ARB2A: variants seen among roughly 807,000 people sequenced by gnomAD.
The protein encoded by ARB2A is cotranscriptional regulator ARB2A.
At chr5:93,810,012 A>ATG in the ARB2A span, among the ~76,000 whole-genome samples, 4 of 152,078 alleles carry the variant, frequency 2.6e-5, no homozygotes, top group African/African-American at 9.7e-5. Context: ...CAATTGTACA[A>ATG]TGTGTGCTTC....
chr5:93,820,935 A>G, the ARB2A span, among the ~76,000 whole-genome samples: 1 of 152,080 alleles, frequency 6.6e-6, no homozygotes, highest in Admixed American at 6.5e-5. Context: ...TTCTTATTAT[A>G]GTAAAATGTA....
chr5:93,750,707 T>A, the ARB2A span, among the ~76,000 whole-genome samples: 3 of 152,096 alleles, frequency 2.0e-5, no homozygotes, highest in African/African-American at 7.2e-5. Flanking sequence ...TTTTATTTTT[T>A]TGTAGAGACG....
the ARB2A span, among the ~76,000 whole-genome samples, chr5:93,963,873 G>A: frequency 6.6e-6 from 1 of 151,638 alleles, no homozygotes; most frequent in Non-Finnish European, 1.5e-5. Flanking sequence ...TTTTTGTTTC[G>A]TTTTGTTTTT....
At chr5:93,824,322 C>T in the ARB2A span, 1 of 1,289,582 alleles carries the variant, frequency 7.8e-7, no homozygotes, top group Middle Eastern at 2.0e-4. Flanking sequence ...ATTATCATAG[C>T]AAACAACAAT....
At chr5:94,062,776 C>T in the ARB2A span, among the ~76,000 whole-genome samples, 2 of 152,190 alleles carry the variant, frequency 1.3e-5, no homozygotes, top group African/African-American at 4.8e-5. Flanking sequence ...CCCACATCTC[C>T]ACATCACTGG....
At chr5:93,843,531 C>T in the ARB2A span, among the ~76,000 whole-genome samples, 1 of 151,306 alleles carries the variant, frequency 6.6e-6, no homozygotes, top group Non-Finnish European at 1.5e-5. Flanking sequence ...TCAAGTGATC[C>T]TCCAGCCTTA....
At chr5:93,723,389 G>A in the ARB2A span, among the ~76,000 whole-genome samples, 1 of 152,088 alleles carries the variant, frequency 6.6e-6, no homozygotes, top group African/African-American at 2.4e-5. Flanking sequence ...TGTAGAGAAA[G>A]GTTATCTCTA....
chr5:93,786,846 G>C, the ARB2A span, among the ~76,000 whole-genome samples: 1 of 152,144 alleles, frequency 6.6e-6, no homozygotes, highest in African/African-American at 2.4e-5. Flanking sequence ...ACAGAATCAG[G>C]TTTGCTTAAG....
chr5:93,775,879 C>T, the ARB2A span, among the ~76,000 whole-genome samples: 1 of 152,146 alleles, frequency 6.6e-6, no homozygotes, highest in Non-Finnish European at 1.5e-5. Flanking sequence ...TTTAGGTATT[C>T]ATATATGTAT....
At chr5:94,081,976 T>C in the ARB2A span, among the ~76,000 whole-genome samples, 9 of 152,318 alleles carry the variant, frequency 5.9e-5, no homozygotes, top group South Asian at 1.9e-3. Context: ...TTCTCTCTTG[T>C]AATGTCCTAA....
the ARB2A span, among the ~76,000 whole-genome samples, chr5:94,032,974 C>A: frequency 7.0e-3 from 1,062 of 152,158 alleles, 12 homozygotes; most frequent in African/African-American, 0.025. Flanking sequence ...GGGGGTGGTT[C>A]CCTCCATGCT....
At chr5:93,740,741 G>A in the ARB2A span, 9 of 1,612,500 alleles carry the variant, frequency 5.6e-6, no homozygotes, top group South Asian at 4.4e-5. Context: ...ACAATCTCCC[G>A]TGGGGAAGCA....
chr5:93,684,347 C>T, the ARB2A span, among the ~76,000 whole-genome samples: 3 of 152,182 alleles, frequency 2.0e-5, no homozygotes, highest in Non-Finnish European at 2.9e-5. Flanking sequence ...GAATCTGACT[C>T]ATATTGTTAC....
At chr5:93,844,381 C>G in the ARB2A span, among the ~76,000 whole-genome samples, 1 of 151,750 alleles carries the variant, frequency 6.6e-6, no homozygotes, top group Non-Finnish European at 1.5e-5. Context: ...GAGGTGGAGG[C>G]TGCAGTGAGC....
chr5:94,093,649 A>G, the ARB2A span, among the ~76,000 whole-genome samples: 1 of 152,210 alleles, frequency 6.6e-6, no homozygotes, highest in Admixed American at 6.5e-5. Flanking sequence ...CCTCCTCAAA[A>G]TTCATGTCCT....
the ARB2A span, among the ~76,000 whole-genome samples, chr5:94,083,890 T>C: frequency 6.6e-6 from 1 of 151,438 alleles, no homozygotes; most frequent in Non-Finnish European, 1.5e-5. Flanking sequence ...GATGGCTTGC[T>C]CTAAGATTTA....
the ARB2A span, among the ~76,000 whole-genome samples, chr5:93,658,101 C>G: frequency 6.6e-6 from 1 of 152,190 alleles, no homozygotes; most frequent in Admixed American, 6.5e-5. Context: ...CTTAATGTTT[C>G]TAGCAGAATA....
At chr5:93,825,353 T>C in the ARB2A span, among the ~76,000 whole-genome samples, 2 of 152,244 alleles carry the variant, frequency 1.3e-5, no homozygotes, top group African/African-American at 4.8e-5. Flanking sequence ...TCAGCTGCTA[T>C]GAGCTTCATC....
the ARB2A span, among the ~76,000 whole-genome samples, chr5:93,745,827 C>T: frequency 6.6e-6 from 1 of 152,020 alleles, no homozygotes; most frequent in Non-Finnish European, 1.5e-5. Flanking sequence ...TAAGTTAGCA[C>T]TGACCAGGCA....
Sources: allele counts gnomAD v4.1 joint callset (sites outside exome capture counted in the v4.1 genomes callset), GRCh38; gene constraint gnomAD v4.1.1; transcripts MANE v1.5; gene names NCBI Gene and HGNC (gene_info 2026-07-23, HGNC 2026-07-21).